GRIK2: variants seen among roughly 807,000 people sequenced by gnomAD.
The protein encoded by GRIK2 is glutamate receptor ionotropic, kainate 2.
In GRIK2, 32 loss-of-function variants were observed where a neutral mutation model predicts 100.3. The ratio of observed to expected loss-of-function variants is 0.32; its 90% confidence interval spans 0.24 to 0.43. The LOEUF (loss-of-function observed/expected upper bound fraction) is 0.43. Among genes scored for constraint, GRIK2 ranks in the 20% least tolerant of loss-of-function variants. The probability of loss-of-function intolerance (pLI) is 1.00; values close to 1 mark genes in which losing one functional copy is unlikely to be tolerated. For synonymous variants in GRIK2, 417 were observed against 389.4 expected, an observed-to-expected ratio of 1.07 and a Z score of -0.83; for missense variants, 843 against 1,114.9, an observed-to-expected ratio of 0.76 and a Z score of 3.47.
intron 12 of GRIK2, among the ~76,000 whole-genome samples, chr6:101,897,793 A>C (rs1472975885): frequency 1.3e-5 from 2 of 151,924 alleles, no homozygotes. Flanking sequence ...TACTGTGCTC[A>C]TAAAAAGGCA....
intron 11 of GRIK2, among the ~76,000 whole-genome samples, chr6:101,868,216 A>G (rs1040640421): frequency 2.0e-5 from 3 of 151,598 alleles, no homozygotes; most frequent in Non-Finnish European, 4.4e-5. Context: ...AAAAAAAAAA[A>G]AAGCTTCAAT....
At chr6:101,519,974 C>T (rs879544636) in intron 2 of GRIK2, among the ~76,000 whole-genome samples, 269 of 152,242 alleles carry the variant, frequency 1.8e-3, no homozygotes, top group Admixed American at 2.6e-3. Context: ...GCAAGCTAAT[C>T]TATCCACTCT....
chr6:101,878,762 T>G (rs2128452315), intron 11 of GRIK2, among the ~76,000 whole-genome samples: 1 of 152,092 alleles, frequency 6.6e-6, no homozygotes, highest in South Asian at 2.1e-4. Context: ...TGCTATCTTG[T>G]TTCACTTCTC....
chr6:101,644,930 T>C (rs551003960), intron 4 of GRIK2, among the ~76,000 whole-genome samples: 28 of 151,942 alleles, frequency 1.8e-4, no homozygotes, highest in Non-Finnish European at 3.5e-4. Flanking sequence ...GTTTGTCACA[T>C]TTTCTTCTCC....
At chr6:101,566,708 A>G (rs1281767094) in intron 2 of GRIK2, among the ~76,000 whole-genome samples, 3 of 151,126 alleles carry the variant, frequency 2.0e-5, no homozygotes, top group African/African-American at 7.3e-5. Context: ...TTTCAAAATC[A>G]ATCAGTGAAT....
intron 4 of GRIK2, among the ~76,000 whole-genome samples, chr6:101,662,916 T>C (rs1324577169): frequency 6.6e-6 from 1 of 152,194 alleles, no homozygotes; most frequent in Non-Finnish European, 1.5e-5. Context: ...GTATTCCTGA[T>C]ACATTTACAT....
In GRIK2 at chr6:101,696,999, G is replaced by C. The variant is rs183412128; in HGVS notation, c.951+10646G>C. On this transcript the variant is annotated intron_variant, in intron 7 of 16. Transcript: ENST00000369134. ...TCCTTACAGACTAAACTCATACATA[G>C]AGGTCACAAGCCATATCTGAATCTC... Among the ~76,000 whole-genome samples the C allele has an allele frequency of 1.8e-3, 266 of 151,988 alleles. 2 individuals are homozygous for C. The highest frequency in any genetic ancestry group is 5.9e-3 in the African/African-American group (244 of 41,510).
At chr6:101,954,851 G>A (rs1340750758) in intron 14 of GRIK2, among the ~76,000 whole-genome samples, 1 of 152,106 alleles carries the variant, frequency 6.6e-6, no homozygotes, top group Non-Finnish European at 1.5e-5. Flanking sequence ...TTTCACAGAT[G>A]CCTTAAACAA....
At chr6:101,399,523 GC>G in intron 2 of GRIK2, 131 bp downstream of exon 2, 1 of 639,438 alleles carries the variant, frequency 1.6e-6, no homozygotes, top group Non-Finnish European at 2.9e-6. Flanking sequence ...GTCTCCTGGG[GC>G]TTTTAAAGAA....
intron 10 of GRIK2, among the ~76,000 whole-genome samples, chr6:101,826,365 G>A (rs1782331545): frequency 6.6e-6 from 1 of 152,022 alleles, no homozygotes; most frequent in South Asian, 2.1e-4. Context: ...AAAATCTATT[G>A]AGGAATGTGG....
At chr6:101,692,049 A>G (rs1282005745) in intron 7 of GRIK2, among the ~76,000 whole-genome samples, 3 of 21,116 alleles carry the variant, frequency 1.4e-4, no homozygotes, top group African/African-American at 2.6e-4. Flanking sequence ...CAAAAAAAAA[A>G]AAAAAAAAAA....
Position 101,904,005 on chromosome 6 carries a change from A to C in GRIK2, c.1748+14142A>C, listed in dbSNP as rs181272454. Among the ~76,000 whole-genome samples, 65 of 151,666 alleles carry C rather than the reference A, an allele frequency of 4.3e-4. 2 individuals carry two copies. The highest frequency in any genetic ancestry group is 1.5e-3 in the African/African-American group (63 of 41,498). On this transcript the variant is annotated intron_variant, in intron 12 of 16. Coordinates refer to ENST00000369134, the MANE Select transcript of GRIK2 (RefSeq NM_021956.5). ...AATTAAAGGCTCTGAAAATTCTTGC[A>C]ATAAAGAAATCTGATTAGGTTTGTT... is the stretch of plus-strand genomic sequence containing the variant.
At chr6:101,955,542 C>T (rs1455661576) in intron 14 of GRIK2, among the ~76,000 whole-genome samples, 2 of 151,086 alleles carry the variant, frequency 1.3e-5, no homozygotes, top group Non-Finnish European at 3.0e-5. Context: ...CTCCCACACA[C>T]CCAGAGTCCC....
intron 7 of GRIK2, among the ~76,000 whole-genome samples, chr6:101,780,332 T>C (rs1464315298): frequency 6.6e-6 from 1 of 152,072 alleles, no homozygotes; most frequent in African/African-American, 2.4e-5. Flanking sequence ...AGGCAGGGAT[T>C]ATAATTGTTT....
At chr6:101,646,367 A>G (rs1265169784) in intron 4 of GRIK2, among the ~76,000 whole-genome samples, 3 of 151,974 alleles carry the variant, frequency 2.0e-5, no homozygotes, top group Non-Finnish European at 4.4e-5. Flanking sequence ...CAAGATTTAC[A>G]TATGTTGCTG....
At chr6:101,851,943 C>T (rs1475306251) in intron 10 of GRIK2, among the ~76,000 whole-genome samples, 5 of 125,832 alleles carry the variant, frequency 4.0e-5, no homozygotes, top group African/African-American at 1.5e-4. Context: ...TGTATACTGG[C>T]TGTTGACTAT....
chr6:101,696,798 A>G (rs2128349868), intron 7 of GRIK2, among the ~76,000 whole-genome samples: 1 of 152,100 alleles, frequency 6.6e-6, no homozygotes, highest in African/African-American at 2.4e-5. Context: ...AGCAAATATA[A>G]AAGAATCCTT....
intron 12 of GRIK2, among the ~76,000 whole-genome samples, chr6:101,901,190 C>G (rs1787823271): frequency 6.6e-6 from 1 of 151,854 alleles, no homozygotes; most frequent in African/African-American, 2.4e-5. Flanking sequence ...TTTTACAAGA[C>G]AAACCTATGT....
chr6:102,050,464 C>T (rs535600692), intron 15 of GRIK2, among the ~76,000 whole-genome samples: 23 of 151,832 alleles, frequency 1.5e-4, no homozygotes, highest in African/African-American at 5.3e-4. Context: ...CCATCCTGGC[C>T]AACGTGATGA....
Sources: allele counts gnomAD v4.1 joint callset (sites outside exome capture counted in the v4.1 genomes callset), GRCh38; gene constraint gnomAD v4.1.1; transcripts MANE v1.5; gene names NCBI Gene and HGNC (gene_info 2026-07-23, HGNC 2026-07-21).